The following DAB1 variants were observed in gnomAD, a reference collection of about 807,000 sequenced individuals.
DAB1 encodes the protein DAB adaptor protein 1.
DAB1 carries 15 observed loss-of-function variants against 64.6 expected under a neutral mutation model. The observed-to-expected ratio is 0.23, with a 90% CI of 0.16 to 0.36. The LOEUF is 0.36. Among genes scored for constraint, DAB1 ranks in the 10% least tolerant of loss-of-function variants. The pLI, the probability that DAB1 is intolerant of heterozygous loss-of-function variation, is 1.00. For missense variants in DAB1, 596 were observed against 706.7 expected, an observed-to-expected ratio of 0.84 and a Z score of 1.78; for synonymous variants, 235 against 251.9, an observed-to-expected ratio of 0.93 and a Z score of 0.64.
Position 57,357,853 on chromosome 1 carries a change from T to A in DAB1, c.-137+66077A>T, listed in dbSNP as rs532081875. ...TGAGAGTACTGCATGGGGGTAACCATCCCCATGATTCAATTACCTCCCACC... is the reference window on the plus strand; with the variant it reads ...TGAGAGTACTGCATGGGGGTAACCAACCCCATGATTCAATTACCTCCCACC... On this transcript the variant is annotated intron_variant, in intron 1 of 14. Transcript: ENST00000371236. Among the ~76,000 whole-genome samples the A allele has an allele frequency of 4.0e-5, 6 of 151,862 alleles. No homozygotes were observed. The South Asian group carries it at 1.2e-3, about 32-fold the overall frequency.
intron 2 of DAB1, among the ~76,000 whole-genome samples, chr1:58,510,041 T>G (rs778256934): frequency 6.6e-6 from 1 of 152,090 alleles, no homozygotes; most frequent in African/African-American, 2.4e-5. Flanking sequence ...ACCTCACTGG[T>G]GAATGCCACC....
chr1:58,545,838 A>G (rs1646693948), intron 1 of DAB1, among the ~76,000 whole-genome samples: 1 of 152,214 alleles, frequency 6.6e-6, no homozygotes, highest in Non-Finnish European at 1.5e-5. Flanking sequence ...TCATTCAAGC[A>G]AAGTACACAC....
intron 5 of DAB1, among the ~76,000 whole-genome samples, chr1:57,988,728 G>A (rs180992077): frequency 9.9e-4 from 151 of 152,314 alleles, no homozygotes; most frequent in African/African-American, 3.3e-3. Flanking sequence ...GATTGAGAGA[G>A]AGGGGTGGGG....
chr1:57,002,665 T>A (rs1570464789), intron 14 of DAB1, among the ~76,000 whole-genome samples: 2 of 152,234 alleles, frequency 1.3e-5, no homozygotes, highest in African/African-American at 2.4e-5. Context: ...TGACCTATCA[T>A]GGTCACTAAG....
At chr1:58,448,321 G>A (rs1388515892) in intron 3 of DAB1, among the ~76,000 whole-genome samples, 1 of 152,154 alleles carries the variant, frequency 6.6e-6, no homozygotes, top group African/African-American at 2.4e-5. Context: ...TAAACATAGG[G>A]TTTTGTTAGG....
At position 57,342,973 on chromosome 1, in the gene DAB1, A is replaced by G. The variant is rs557938074; in HGVS notation, c.-136-51807T>C. ...AAGAGAGAAAGAACAAAGCTTCCACAGCTCAGAAGGGGACCCGAGCGGGTT... is the reference window on the plus strand; with the variant it reads ...AAGAGAGAAAGAACAAAGCTTCCACGGCTCAGAAGGGGACCCGAGCGGGTT... On this transcript the variant is annotated intron_variant, in intron 1 of 14. Transcript: ENST00000371236. 2.0e-5 allele frequency among the ~76,000 whole-genome samples: 3 copies of G among 152,266 alleles called. No homozygotes were observed. The South Asian group carries it at 6.2e-4, about 32-fold the overall frequency.
chr1:58,308,312 T>C (rs1662350697), intron 4 of DAB1, among the ~76,000 whole-genome samples: 1 of 152,132 alleles, frequency 6.6e-6, no homozygotes, highest in Non-Finnish European at 1.5e-5. Flanking sequence ...CTCCTTTGGA[T>C]GAAGCTGCTT....
chr1:57,382,074 T>C (rs141317205), intron 1 of DAB1, among the ~76,000 whole-genome samples: 2 of 152,300 alleles, frequency 1.3e-5, no homozygotes, highest in Non-Finnish European at 2.9e-5. Context: ...TAAATTGTAC[T>C]GGGTATGATA....
chr1:58,363,941 A>G (rs1644191863), intron 3 of DAB1, among the ~76,000 whole-genome samples: 1 of 152,210 alleles, frequency 6.6e-6, no homozygotes, highest in African/African-American at 2.4e-5. Flanking sequence ...GGTTGGTGCA[A>G]CATATTTTCT....
At position 57,102,682 on chromosome 1, in the gene DAB1, G is replaced by A. The variant is rs149555999; in HGVS notation, c.307-30268C>T. Among the ~76,000 whole-genome samples the A allele has an allele frequency of 5.3e-5, 8 of 152,214 alleles. No homozygotes were observed. The East Asian group carries it at 1.5e-3, about 29-fold the overall frequency. ...ATTGTTTTTCTTGCTTCCAGTGGAG[G>A]CCAATGACACAAAGTATAGGATATC... On this transcript the variant is annotated intron_variant, in intron 4 of 14. Transcript: ENST00000371236.
At chr1:58,528,302 T>G (rs1646382554) in intron 1 of DAB1, among the ~76,000 whole-genome samples, 1 of 152,240 alleles carries the variant, frequency 6.6e-6, no homozygotes, top group African/African-American at 2.4e-5. Context: ...TAACTTATTG[T>G]TAACCCTGAG....
intron 5 of DAB1, among the ~76,000 whole-genome samples, chr1:57,989,716 GA>G (rs1456844709): frequency 6.6e-6 from 1 of 152,124 alleles, no homozygotes; most frequent in East Asian, 1.9e-4. Context: ...GAGGCTCAGA[GA>G]AGTAATTGCC....
At chr1:58,222,795 T>C (rs1360311475) in intron 4 of DAB1, among the ~76,000 whole-genome samples, 4 of 152,218 alleles carry the variant, frequency 2.6e-5, no homozygotes, top group Admixed American at 1.3e-4. Context: ...TAAATAACAC[T>C]AGTTATTATG....
At chr1:57,157,330 C>G (rs1031162817) in intron 2 of DAB1, among the ~76,000 whole-genome samples, 17 of 152,150 alleles carry the variant, frequency 1.1e-4, no homozygotes, top group Admixed American at 1.0e-3. Context: ...GTATTCACTT[C>G]TGTGCATTAG....
chr1:57,074,549 A>T (rs1651808031), intron 4 of DAB1, among the ~76,000 whole-genome samples: 2 of 152,170 alleles, frequency 1.3e-5, no homozygotes, highest in South Asian at 2.1e-4. Flanking sequence ...GCCGGATGCA[A>T]TCTTTCCAGG....
At chr1:57,167,960 C>G (rs1056007416) in intron 2 of DAB1, among the ~76,000 whole-genome samples, 3 of 152,150 alleles carry the variant, frequency 2.0e-5, no homozygotes, top group African/African-American at 7.2e-5. Flanking sequence ...TACACTTTGT[C>G]CAGGCTAGAA....
intron 4 of DAB1, among the ~76,000 whole-genome samples, chr1:57,101,804 C>T (rs1654707639): frequency 6.6e-6 from 1 of 152,208 alleles, no homozygotes; most frequent in Non-Finnish European, 1.5e-5. Flanking sequence ...AGAGCTCTAC[C>T]TACTTGATCT....
intron 1 of DAB1, among the ~76,000 whole-genome samples, chr1:57,374,951 G>A (rs529019261): frequency 1.3e-5 from 2 of 152,240 alleles, no homozygotes; most frequent in South Asian, 4.1e-4. Flanking sequence ...TTTTGTAATG[G>A]CTGGTCCTGC....
At chr1:57,298,873 G>T (rs1371750142) in intron 1 of DAB1, among the ~76,000 whole-genome samples, 3 of 152,180 alleles carry the variant, frequency 2.0e-5, no homozygotes, top group African/African-American at 7.2e-5. Flanking sequence ...GAAAAGATCA[G>T]TTACAATTTC....
Sources: gnomAD v4.1 joint callset for allele counts (sites outside exome capture counted in the v4.1 genomes callset) on GRCh38, gnomAD v4.1.1 for gene constraint, MANE v1.5 for transcripts, NCBI Gene and HGNC (gene_info 2026-07-23, HGNC 2026-07-21) for gene names.